The following NCOA2 variants were observed in gnomAD, a reference collection of about 807,000 sequenced individuals.
The protein encoded by NCOA2 is nuclear receptor coactivator 2.
NCOA2 carries 21 observed loss-of-function variants against 145.1 expected under a neutral mutation model. The ratio of observed to expected loss-of-function variants is 0.14; its 90% confidence interval spans 0.10 to 0.21. NCOA2 has a LOEUF of 0.21. Ranked by LOEUF, NCOA2 falls within the 10% of genes least tolerant of loss-of-function variation. The pLI, the probability that NCOA2 is intolerant of heterozygous loss-of-function variation, is 1.00. For synonymous variants in NCOA2, 619 were observed against 637.5 expected (o/e 0.97, Z 0.44); for missense variants, 1,472 against 1,837.6 (o/e 0.80, Z 3.64).
chr8:70,279,478 G>A (rs1325632139), intron 2 of NCOA2, among the ~76,000 whole-genome samples: 1 of 152,172 alleles, frequency 6.6e-6, no homozygotes, highest in African/African-American at 2.4e-5. Context: ...AGGCTCTGGG[G>A]TTGATAAAAA....
the NCOA2 span, among the ~76,000 whole-genome samples, chr8:70,443,802 C>T: frequency 6.6e-6 from 1 of 152,130 alleles, no homozygotes; most frequent in Non-Finnish European, 1.5e-5. Flanking sequence ...TTTGAACTCT[C>T]GGCCTCAAGT....
intron 4 of NCOA2, among the ~76,000 whole-genome samples, chr8:70,201,966 T>C (rs958424611): frequency 6.6e-6 from 1 of 152,208 alleles, no homozygotes; most frequent in Non-Finnish European, 1.5e-5. Context: ...CCTATGATCA[T>C]GTTTAGTGCC....
intron 15 of NCOA2, among the ~76,000 whole-genome samples, chr8:70,132,929 G>A (rs1411614711): frequency 2.0e-5 from 3 of 152,130 alleles, no homozygotes; most frequent in Non-Finnish European, 4.4e-5. Flanking sequence ...AGGTACATAA[G>A]GAAAGTGGAT....
chr8:70,454,219 C>T, the NCOA2 span, among the ~76,000 whole-genome samples: 2 of 152,086 alleles, frequency 1.3e-5, no homozygotes, highest in African/African-American at 4.8e-5. Flanking sequence ...TTATATAATA[C>T]TCTATATTTA....
At chr8:70,422,868 G>T in the NCOA2 span, among the ~76,000 whole-genome samples, 1 of 151,510 alleles carries the variant, frequency 6.6e-6, no homozygotes, top group Admixed American at 6.6e-5. Context: ...TTAAAATGTT[G>T]TTACGTTTTC....
upstream of NCOA2, among the ~76,000 whole-genome samples, chr8:70,404,142 G>A (rs533160066): frequency 6.6e-6 from 1 of 152,390 alleles, no homozygotes; most frequent in East Asian, 1.9e-4. Context: ...GCGGCCCGGG[G>A]AGAGGTGAAG....
intron 1 of NCOA2, among the ~76,000 whole-genome samples, chr8:70,356,330 T>G (rs751299663): frequency 2.0e-5 from 3 of 150,130 alleles, no homozygotes; most frequent in Non-Finnish European, 4.4e-5. Flanking sequence ...AGAGAAAGAG[T>G]TGATTGCTTT....
chr8:70,141,344 C>A lies in NCOA2; in HGVS notation c.2868G>T (p.Pro956=), dbSNP rs549671401. 2 of 1,613,802 alleles carry A rather than the reference C, an allele frequency of 1.2e-6. No homozygotes were observed. Among genetic ancestry groups the A allele is most frequent in the African/African-American group, 1.3e-5 (1 of 74,904 alleles). ...AGGTGACTCTCACAGCCGAACTCTGCGGTGCCCATTCTCCAGATGGCATAG... is the reference window on the plus strand; with the variant it reads ...AGGTGACTCTCACAGCCGAACTCTGAGGTGCCCATTCTCCAGATGGCATAG... ...RPTMPSGEWA[P]QSSAVRVTCA... The change falls in exon 14 of 23, where the codon CCG becomes CCT. Residue 956 remains proline (P), a synonymous_variant. Coordinates refer to ENST00000452400, the MANE Select transcript of NCOA2 (RefSeq NM_006540.4).
At chr8:70,301,366 G>A (rs1827470834) in intron 1 of NCOA2, among the ~76,000 whole-genome samples, 1 of 152,008 alleles carries the variant, frequency 6.6e-6, no homozygotes, top group Non-Finnish European at 1.5e-5. Flanking sequence ...ATAAAGATAT[G>A]TCTGTTGCAG....
At chr8:70,396,119 A>C (rs1304416091) in intron 1 of NCOA2, among the ~76,000 whole-genome samples, 1 of 152,242 alleles carries the variant, frequency 6.6e-6, no homozygotes, top group African/African-American at 2.4e-5. Flanking sequence ...CATCCATGCT[A>C]CATGATTACA....
At chr8:70,296,902 G>C (rs1307811251) in intron 1 of NCOA2, 102 bp from the exon 2 acceptor site, 1 of 152,184 alleles carries the variant, frequency 6.6e-6, no homozygotes. Flanking sequence ...AGTAATACTT[G>C]TTAATTGCCA....
chr8:70,213,376 CTA>C lies in NCOA2; in HGVS notation c.259+525_259+526del, dbSNP rs1424064826. ...ACCATAGGAAGAGAGCTGTCATGTTCTATGTTTCAAGTTCACAGATGGATTTC... is the reference window on the plus strand; with the variant it reads ...ACCATAGGAAGAGAGCTGTCATGTTCTGTTTCAAGTTCACAGATGGATTTC... On this transcript the variant is annotated intron_variant, in intron 4 of 22. Coordinates refer to ENST00000452400, the MANE Select transcript of NCOA2 (RefSeq NM_006540.4). Among the ~76,000 whole-genome samples, 8 of 152,118 alleles carry C rather than the reference CTA, an allele frequency of 5.3e-5. No individual in the cohort carries two copies. The East Asian group carries it at 5.8e-4, about 11-fold the overall frequency.
chr8:70,321,853 G>A (rs1226299973), intron 1 of NCOA2, among the ~76,000 whole-genome samples: 1 of 115,380 alleles, frequency 8.7e-6, no homozygotes, highest in Admixed American at 1.2e-4. Context: ...AAACTATCTA[G>A]CCTAGGTGAG....
chr8:70,412,689 A>C, the NCOA2 span, among the ~76,000 whole-genome samples: 1 of 150,854 alleles, frequency 6.6e-6, no homozygotes. Context: ...CTAATAAATT[A>C]AGCCCAATGT....
At chr8:70,147,595 T>C (rs1349960825) in intron 12 of NCOA2, among the ~76,000 whole-genome samples, 1 of 152,228 alleles carries the variant, frequency 6.6e-6, no homozygotes, top group Non-Finnish European at 1.5e-5. Flanking sequence ...GTAAACTGAG[T>C]GTTCATAGTA....
chr8:70,181,575 G>A (rs537302136), intron 4 of NCOA2, among the ~76,000 whole-genome samples: 1 of 152,276 alleles, frequency 6.6e-6, no homozygotes, highest in East Asian at 1.9e-4. Flanking sequence ...CAAGCCTGAG[G>A]AGAGTTGTTT....
intron 9 of NCOA2, among the ~76,000 whole-genome samples, chr8:70,160,756 T>C (rs1812892582): frequency 6.6e-6 from 1 of 151,982 alleles, no homozygotes; most frequent in South Asian, 2.1e-4. Context: ...TTAAGCAATT[T>C]GTCTAATGAC....
In NCOA2 at chr8:70,382,276, G is replaced by A. The variant is rs150406773; in HGVS notation, c.-77+21424C>T. Reference sequence around the variant, plus strand: ...AAAGTCAGTGCCCCGAGGCCAGGAGGAGGCCCACCTGACACAAGCAGGCAG... The same window carrying A: ...AAAGTCAGTGCCCCGAGGCCAGGAGAAGGCCCACCTGACACAAGCAGGCAG... On this transcript the variant is annotated intron_variant, in intron 1 of 22. Coordinates refer to ENST00000452400, the MANE Select transcript of NCOA2 (RefSeq NM_006540.4). Among the ~76,000 whole-genome samples the A allele has an allele frequency of 2.4e-3, 361 of 152,128 alleles. 3 individuals carry two copies. The highest frequency in any genetic ancestry group is 8.1e-3 in the African/African-American group (335 of 41,516).
intron 19 of NCOA2, among the ~76,000 whole-genome samples, chr8:70,125,879 A>G (rs968871954): frequency 6.6e-6 from 1 of 152,216 alleles, no homozygotes; most frequent in Admixed American, 6.5e-5. Context: ...GGAAATAGAG[A>G]AAGGAGCTGG....
Sources: allele counts gnomAD v4.1 joint callset (sites outside exome capture counted in the v4.1 genomes callset), GRCh38; gene constraint gnomAD v4.1.1; transcripts MANE v1.5; gene names NCBI Gene and HGNC (gene_info 2026-07-23, HGNC 2026-07-21).